ASIC2: variants seen among roughly 807,000 people sequenced by gnomAD.
The protein encoded by ASIC2 is acid sensing ion channel subunit 2.
A neutral mutation model predicts 57.3 loss-of-function variants in ASIC2; 25 were observed. The ratio of observed to expected loss-of-function variants is 0.44; its 90% CI spans 0.32 to 0.61. The LOEUF (loss-of-function observed/expected upper bound fraction) is 0.61. Ranked by LOEUF, ASIC2 falls within the 20% of genes least tolerant of loss-of-function variation. ASIC2 has a pLI of 0.06. For missense variants in ASIC2, 641 were observed against 738.1 expected (o/e 0.87, Z 1.52); for synonymous variants, 319 against 307.5 (o/e 1.04, Z -0.39).
At chr17:33,310,837 T>C (rs555515298) in intron 1 of ASIC2, among the ~76,000 whole-genome samples, 1 of 152,266 alleles carries the variant, frequency 6.6e-6, no homozygotes, top group East Asian at 1.9e-4. Flanking sequence ...AGGTAAGAGA[T>C]AGAGATACAT....
At chr17:33,330,558 A>G (rs1015834497) in intron 1 of ASIC2, among the ~76,000 whole-genome samples, 2 of 152,202 alleles carry the variant, frequency 1.3e-5, no homozygotes, top group Non-Finnish European at 2.9e-5. Flanking sequence ...CAATCACATT[A>G]TTGGACCAGA....
chr17:33,984,903 C>T (rs550387635), intron 1 of ASIC2, among the ~76,000 whole-genome samples: 6 of 152,294 alleles, frequency 3.9e-5, no homozygotes, highest in African/African-American at 1.4e-4. Flanking sequence ...AGCTCATAAG[C>T]ACATCCCTGT....
At chr17:33,719,872 C>A (rs1255507582) in intron 1 of ASIC2, among the ~76,000 whole-genome samples, 1 of 152,092 alleles carries the variant, frequency 6.6e-6, no homozygotes, top group Non-Finnish European at 1.5e-5. Context: ...TCCAGGCAGG[C>A]CAAGGGAAAC....
At chr17:33,447,051 A>T (rs1451967447) in intron 1 of ASIC2, among the ~76,000 whole-genome samples, 1 of 152,222 alleles carries the variant, frequency 6.6e-6, no homozygotes, top group Non-Finnish European at 1.5e-5. Flanking sequence ...GCCTGAGAAT[A>T]ACAGCTAAAC....
chr17:33,550,376 G>A (rs1028858232), intron 1 of ASIC2, among the ~76,000 whole-genome samples: 6 of 152,218 alleles, frequency 3.9e-5, no homozygotes, highest in African/African-American at 1.4e-4. Context: ...ATGACTGGCA[G>A]GCGATATCAT....
At chr17:33,325,641 C>G (rs1907045236) in intron 1 of ASIC2, among the ~76,000 whole-genome samples, 1 of 152,008 alleles carries the variant, frequency 6.6e-6, no homozygotes, top group Non-Finnish European at 1.5e-5. Context: ...TAATGGTACC[C>G]TTATACTTGT....
At chr17:33,055,195 C>G (rs1941514524) in intron 3 of ASIC2, among the ~76,000 whole-genome samples, 1 of 152,226 alleles carries the variant, frequency 6.6e-6, no homozygotes, top group African/African-American at 2.4e-5. Flanking sequence ...GCAACCCCTC[C>G]TTGCCAAATG....
chr17:33,629,790 A>G (rs1408863357), intron 1 of ASIC2, among the ~76,000 whole-genome samples: 1 of 152,232 alleles, frequency 6.6e-6, no homozygotes, highest in Non-Finnish European at 1.5e-5. Flanking sequence ...CAGTTCTGCC[A>G]GAAGCTCTGG....
intron 1 of ASIC2, among the ~76,000 whole-genome samples, chr17:33,512,619 T>C (rs937492056): frequency 3.3e-5 from 5 of 152,096 alleles, no homozygotes; most frequent in Non-Finnish European, 5.9e-5. Context: ...GAAAAGACCC[T>C]AGTACCATCA....
At chr17:33,977,761 T>C (rs750691692) in intron 1 of ASIC2, among the ~76,000 whole-genome samples, 85 of 152,164 alleles carry the variant, frequency 5.6e-4, no homozygotes, top group Non-Finnish European at 1.1e-3. Flanking sequence ...TAGGTTTCCT[T>C]TTCTGTCCCT....
At chr17:33,930,332 T>A (rs1915905098) in intron 1 of ASIC2, among the ~76,000 whole-genome samples, 1 of 152,248 alleles carries the variant, frequency 6.6e-6, no homozygotes, top group African/African-American at 2.4e-5. Context: ...AATGTCACTG[T>A]CTATGTCAAG....
chr17:33,083,204 C>A (rs1037619820), intron 3 of ASIC2, among the ~76,000 whole-genome samples: 1 of 152,106 alleles, frequency 6.6e-6, no homozygotes, highest in Admixed American at 6.5e-5. Context: ...ATAAGCAAGG[C>A]ACTGGGGCCA....
At position 33,257,325 on chromosome 17, in the gene ASIC2, C is replaced by T. The variant is rs117245774; in HGVS notation, c.708+34083G>A. Among the ~76,000 whole-genome samples, 127 of 152,284 alleles carry T rather than the reference C, an allele frequency of 8.3e-4. No individual in the cohort carries two copies. The East Asian group carries it at 0.02, about 24-fold the overall frequency. On this transcript the variant is annotated intron_variant, in intron 1 of 9. Transcript: ENST00000225823. ...ATGTCTCATGGGTGAGGCCCTGCCC[C>T]GCTGATGGAAGGGAGATTTGAACAT...
chr17:33,235,424 T>G (rs1908257581), intron 1 of ASIC2, among the ~76,000 whole-genome samples: 1 of 152,230 alleles, frequency 6.6e-6, no homozygotes, highest in East Asian at 1.9e-4. Context: ...GGCTGGGAAT[T>G]GGTGCCTTCC....
At chr17:33,426,059 C>G (rs1054085520) in intron 1 of ASIC2, among the ~76,000 whole-genome samples, 6 of 152,124 alleles carry the variant, frequency 3.9e-5, no homozygotes, top group Non-Finnish European at 8.8e-5. Flanking sequence ...TGCCACTCAG[C>G]CAACCAGGGC....
At chr17:33,944,828 A>G (rs1185964879) in intron 1 of ASIC2, among the ~76,000 whole-genome samples, 1 of 152,134 alleles carries the variant, frequency 6.6e-6, no homozygotes, top group Non-Finnish European at 1.5e-5. Context: ...CCTCCAGAAG[A>G]GTGTGATGGA....
At chr17:33,719,577 A>T (rs777258191) in intron 1 of ASIC2, among the ~76,000 whole-genome samples, 2 of 152,230 alleles carry the variant, frequency 1.3e-5, no homozygotes, top group Non-Finnish European at 2.9e-5. Flanking sequence ...TAATAGATAC[A>T]CACAAGTAAG....
rs537068900 is a variant in ASIC2, at chr17:33,015,949, C to T, written c.1590+22G>A. The stretch of plus-strand genomic sequence containing the variant: ...ACAAGCCAGAGCAGCAGAACAACTT[C>T]CAATCAGTGAGCTGCTCTTACCACA... On this transcript the variant is annotated intron_variant, in intron 9 of 9. Coordinates refer to ENST00000225823, the MANE Select transcript of ASIC2 (RefSeq NM_183377.2). 3.7e-5 allele frequency: 60 copies of T among 1,613,708 alleles called. 1 individual carries two copies. The South Asian group carries it at 6.5e-4, about 17-fold the overall frequency.
intron 1 of ASIC2, among the ~76,000 whole-genome samples, chr17:33,342,008 G>T (rs926557274): frequency 2.0e-5 from 3 of 152,188 alleles, no homozygotes; most frequent in African/African-American, 7.2e-5. Context: ...GTCGCATCAA[G>T]AATAATTACA....
Sources: gnomAD v4.1 joint callset for allele counts (sites outside exome capture counted in the v4.1 genomes callset) on GRCh38, gnomAD v4.1.1 for gene constraint, MANE v1.5 for transcripts, NCBI Gene and HGNC (gene_info 2026-07-23, HGNC 2026-07-21) for gene names.